The following F8 variants were observed in gnomAD, a reference collection of about 807,000 sequenced individuals.
F8 encodes the protein antihemophilic factor.
A neutral mutation model predicts 140.6 loss-of-function variants in F8; 12 were observed. The observed-to-expected ratio is 0.09, with a 90% CI of 0.05 to 0.14. The LOEUF is 0.14. Ranked by LOEUF, F8 falls within the 10% of genes least tolerant of loss-of-function variation. F8 has a pLI of 1.00. For synonymous variants in F8, 585 were observed against 614.6 expected (o/e 0.95, Z 0.71); for missense variants, 1,354 against 1,720.7 (o/e 0.79, Z 3.77).
chrX:154,912,863 G>A (rs1256885956), intron 14 of F8, among the ~76,000 whole-genome samples: 4 of 111,525 alleles, frequency 3.6e-5, no homozygotes, highest in African/African-American at 1.3e-4. Flanking sequence ...TGGCAGGAGG[G>A]AGAGGTGACA....
intron 10 of F8, among the ~76,000 whole-genome samples, chrX:154,959,259 G>A (rs963774762): frequency 3.6e-5 from 4 of 110,837 alleles, no homozygotes; most frequent in Admixed American, 9.5e-5. Context: ...GGTAGTGTGC[G>A]TCTGTGGTCC....
chrX:154,855,012 C>T (rs1192458684), intron 25 of F8, among the ~76,000 whole-genome samples: 4 of 111,107 alleles, frequency 3.6e-5, no homozygotes, highest in East Asian at 5.7e-4. Flanking sequence ...CCCAACTACT[C>T]GGGAGGCTGA....
intron 1 of F8, among the ~76,000 whole-genome samples, chrX:155,019,760 C>T (rs1364666309): frequency 1.8e-5 from 2 of 110,657 alleles, no homozygotes; most frequent in African/African-American, 6.6e-5. Flanking sequence ...CACCCCACTG[C>T]ACTCCAGCCT....
rs148954517 is a variant in F8 at position 154,967,529 on chromosome X, C to T, written c.1010-842G>A. Among the ~76,000 whole-genome samples the T allele has an allele frequency of 1.1e-3, 125 of 111,902 alleles. No homozygotes were observed. The highest frequency in any genetic ancestry group is 1.7e-3 in the Non-Finnish European group (93 of 53,166). On this transcript the variant is annotated intron_variant, in intron 7 of 25. Transcript: ENST00000360256. ...GTTTTAGGAGCAGCAAACAACTAGT[C>T]TGGGGTTCATGTAGCCTTAAACATA...
intron 14 of F8, among the ~76,000 whole-genome samples, chrX:154,917,285 G>T (rs782057115): frequency 1.8e-5 from 2 of 111,855 alleles, no homozygotes; most frequent in East Asian, 5.6e-4. Context: ...ATGTCAGGTA[G>T]GTTCATCTGG....
intron 1 of F8, among the ~76,000 whole-genome samples, chrX:155,009,159 G>A (rs1170229071): frequency 9.4e-6 from 1 of 106,585 alleles, no homozygotes; most frequent in Non-Finnish European, 1.9e-5. Context: ...GCGCAATCTC[G>A]GCTCACTGCA....
rs782488579 is a variant in F8, at chrX:154,919,655, G to A, written c.5219+8916C>T. 1.1e-4 allele frequency: 62 copies of A among 551,794 alleles called. No homozygotes were observed. The South Asian group carries it at 1.8e-3, about 16-fold the overall frequency. 45.5% of individuals were successfully genotyped at this position (551,794 alleles called of 1,213,427 possible). On this transcript the variant is annotated intron_variant, in intron 14 of 25. Coordinates refer to ENST00000360256, the MANE Select transcript of F8 (RefSeq NM_000132.4). ...AGCATCCATTTTGACTTCATCCTTTGGATATAATGCATGTCTCACTTTCAT... is the reference window on the plus strand; with the variant it reads ...AGCATCCATTTTGACTTCATCCTTTAGATATAATGCATGTCTCACTTTCAT...
chrX:154,853,118 G>GT (rs1269023995), intron 25 of F8, among the ~76,000 whole-genome samples: 2 of 110,530 alleles, frequency 1.8e-5, no homozygotes, highest in African/African-American at 6.6e-5. Context: ...TTTCAACTGG[G>GT]TTTTTTTGTT....
chrX:154,896,262 C>T, intron 21 of F8, 30 bp from the exon 22 acceptor site: 1 of 1,186,416 alleles, frequency 8.4e-7, no homozygotes, highest in Non-Finnish European at 1.1e-6. Context: ...TTTATTTTAA[C>T]CTATTTTTAA....
chrX:154,862,151 C>T (rs375990731), intron 23 of F8, among the ~76,000 whole-genome samples: 3 of 110,934 alleles, frequency 2.7e-5, no homozygotes, highest in Admixed American at 1.9e-4. Context: ...CTCAGCCTCC[C>T]GAGTAGCTGG....
chrX:155,001,312 CTTTTTT>C (rs35281198), intron 1 of F8, among the ~76,000 whole-genome samples: 1 of 75,955 alleles, frequency 1.3e-5, no homozygotes, highest in Non-Finnish European at 2.4e-5. Context: ...TATCGTAAAT[CTTTTTT>C]TTTTTTTTTT....
chrX:155,007,314 G>A (rs1410735140), intron 1 of F8, among the ~76,000 whole-genome samples: 2 of 112,785 alleles, frequency 1.8e-5, no homozygotes, highest in Admixed American at 9.3e-5. Flanking sequence ...GGCCATCGCA[G>A]TACTGGCAAG....
chrX:154,981,992 T>C (rs781789956), intron 6 of F8, among the ~76,000 whole-genome samples: 5 of 110,822 alleles, frequency 4.5e-5, no homozygotes, highest in African/African-American at 1.3e-4. Flanking sequence ...AAGACCGGCC[T>C]GGCAAACATG....
chrX:154,927,853 C>A (rs1205351360), intron 14 of F8, among the ~76,000 whole-genome samples: 21 of 111,709 alleles, frequency 1.9e-4, no homozygotes, highest in Non-Finnish European at 3.8e-5. Flanking sequence ...ATCAGCTGGC[C>A]TGTTATCATC....
Position 154,947,687 on chromosome X carries a change from T to C in F8, c.2113+11A>G. On this transcript the variant is annotated intron_variant, in intron 13 of 25. Transcript: ENST00000360256. The stretch of plus-strand genomic sequence containing the variant: ...CACAGCTGTTGGTACAAGAAAAATA[T>C]AATAACTAACCTGGGTTTTCCATCG... The C allele has an allele frequency of 8.4e-7, 1 of 1,196,599 alleles. No individual in the cohort carries two copies. Among genetic ancestry groups the C allele is most frequent in the South Asian group, 1.8e-5 (1 of 56,634 alleles).
chrX:154,942,595 G>A (rs1345683417), intron 13 of F8, among the ~76,000 whole-genome samples: 6 of 111,584 alleles, frequency 5.4e-5, no homozygotes, highest in African/African-American at 9.8e-5. Flanking sequence ...GGTAGAAGGA[G>A]GAATTGGTAC....
intron 14 of F8, chrX:154,909,079 TCTTTGA>T (rs1272380824): frequency 5.0e-5 from 14 of 281,142 alleles, no homozygotes; most frequent in Non-Finnish European, 3.4e-5. Context: ...ATGATAAACA[TCTTTGA>T]CAGACACATT....
chrX:154,858,732 A>G (rs1212685151), intron 25 of F8, among the ~76,000 whole-genome samples: 2 of 112,362 alleles, frequency 1.8e-5, no homozygotes, highest in East Asian at 5.6e-4. Context: ...AGAAGAAGGT[A>G]GTTATCAATA....
intron 10 of F8, among the ~76,000 whole-genome samples, chrX:154,960,450 A>C (rs994836616): frequency 9.8e-5 from 11 of 111,870 alleles, no homozygotes; most frequent in Non-Finnish European, 1.9e-4. Context: ...CATAACATCC[A>C]ATCTACTAAA....
Sources: gnomAD v4.1 joint callset for allele counts (sites outside exome capture counted in the v4.1 genomes callset) on GRCh38, gnomAD v4.1.1 for gene constraint, MANE v1.5 for transcripts, NCBI Gene and HGNC (gene_info 2026-07-23, HGNC 2026-07-21) for gene names.